COL25A1: variants seen among roughly 807,000 people sequenced by gnomAD.
COL25A1 encodes the protein collagen alpha-1(XXV) chain.
In COL25A1, 103 loss-of-function variants were observed where a neutral mutation model predicts 128.4. That is an observed-to-expected ratio of 0.80 (90% CI 0.68 to 0.94). The LOEUF (loss-of-function observed/expected upper bound fraction) is 0.94, where lower values mean the gene tolerates loss of function less well. Among genes scored for constraint, COL25A1 ranks in the 40% least tolerant of loss-of-function variants. The probability of loss-of-function intolerance (pLI) is 0.00; values close to 1 mark genes in which losing one functional copy is unlikely to be tolerated. For missense variants in COL25A1, 745 were observed against 840.0 expected, an observed-to-expected ratio of 0.89 and a Z score of 1.40; for synonymous variants, 279 against 277.2, an observed-to-expected ratio of 1.01 and a Z score of -0.06.
chr4:109,070,369 T>A (rs1244534427), intron 3 of COL25A1, among the ~76,000 whole-genome samples: 1 of 152,136 alleles, frequency 6.6e-6, no homozygotes, highest in East Asian at 1.9e-4. Flanking sequence ...AATCTTTTTT[T>A]TTTTTACTTA....
intron 3 of COL25A1, among the ~76,000 whole-genome samples, chr4:109,076,899 C>G (rs1763428334): frequency 6.6e-6 from 1 of 152,122 alleles, no homozygotes; most frequent in Non-Finnish European, 1.5e-5. Context: ...GGAGGTGGCG[C>G]TCAGGCAGTA....
chr4:108,827,194 A>G lies in COL25A1; in HGVS notation c.1711-6T>C. 6.2e-7 allele frequency: 1 copy of G among 1,613,684 alleles called. No individual in the cohort carries two copies. Among genetic ancestry groups the G allele is most frequent in the Non-Finnish European group, 8.5e-7 (1 of 1,179,726 alleles). On this transcript the variant is annotated splice_polypyrimidine_tract_variant and splice_region_variant and intron_variant, in intron 32 of 37. Coordinates refer to ENST00000399132, the MANE Select transcript of COL25A1 (RefSeq NM_198721.4). Reference sequence around the variant, plus strand: ...CCCATAGCTCCTTTTTCACCCTAAAATGAAAAGTAGAAAGTTCAAATCATA... The same window carrying G: ...CCCATAGCTCCTTTTTCACCCTAAAGTGAAAAGTAGAAAGTTCAAATCATA...
At chr4:108,866,092 T>A (rs1324982639) in intron 20 of COL25A1, among the ~76,000 whole-genome samples, 2 of 152,220 alleles carry the variant, frequency 1.3e-5, no homozygotes. Flanking sequence ...CTTCCCATGC[T>A]TAAATGCAGA....
chr4:108,846,545 T>C (rs896230137), intron 27 of COL25A1, among the ~76,000 whole-genome samples: 1 of 152,210 alleles, frequency 6.6e-6, no homozygotes, highest in African/African-American at 2.4e-5. Context: ...AACAACTTAA[T>C]AGACTTAATT....
chr4:109,174,257 T>C (rs1429815029), intron 3 of COL25A1, among the ~76,000 whole-genome samples: 2 of 152,212 alleles, frequency 1.3e-5, no homozygotes, highest in African/African-American at 4.8e-5. Context: ...AATAAAGCCC[T>C]ATTGTAAATG....
rs563079412 is a variant in COL25A1 at position 109,272,917 on chromosome 4, G to A, written c.367+27666C>T. Among the ~76,000 whole-genome samples the A allele has an allele frequency of 5.9e-5, 9 of 152,180 alleles. No individual in the cohort carries two copies. The South Asian group carries it at 6.2e-4, about 11-fold the overall frequency. ...GCCTCCATGGCTGGGTATTAAGTACGGTGTCAAGTGAGACAGAAAAGGAAA... is the reference window on the plus strand; with the variant it reads ...GCCTCCATGGCTGGGTATTAAGTACAGTGTCAAGTGAGACAGAAAAGGAAA... On this transcript the variant is annotated intron_variant, in intron 3 of 37. Transcript: ENST00000399132.
chr4:108,841,093 C>T (rs555853768), intron 31 of COL25A1, among the ~76,000 whole-genome samples: 1 of 152,284 alleles, frequency 6.6e-6, no homozygotes, highest in Non-Finnish European at 1.5e-5. Flanking sequence ...CAGGTGGAGA[C>T]CATCTTCATC....
At chr4:109,199,537 T>C (rs1482698980) in intron 3 of COL25A1, among the ~76,000 whole-genome samples, 6 of 151,428 alleles carry the variant, frequency 4.0e-5, no homozygotes, top group Admixed American at 3.3e-4. Flanking sequence ...AGTTATGATA[T>C]AGTATTATTT....
chr4:109,082,334 A>G (rs1263388308), intron 3 of COL25A1, among the ~76,000 whole-genome samples: 2 of 152,236 alleles, frequency 1.3e-5, no homozygotes, highest in Non-Finnish European at 2.9e-5. Flanking sequence ...AAGTGGAATT[A>G]CTGGTCATTT....
chr4:109,126,345 T>C (rs1289517918), intron 3 of COL25A1, among the ~76,000 whole-genome samples: 3 of 152,128 alleles, frequency 2.0e-5, no homozygotes, highest in East Asian at 3.9e-4. Context: ...TTGCAAACAA[T>C]GTGAATAAAA....
Position 109,216,705 on chromosome 4 carries a change from C to G in COL25A1, c.367+83878G>C, listed in dbSNP as rs375789743. Reference sequence around the variant, plus strand: ...TAGAGGCTTCAGAGGGAGCATGGCCCTGCCAACATCTTGATTTCTGAGTCT... The same window carrying G: ...TAGAGGCTTCAGAGGGAGCATGGCCGTGCCAACATCTTGATTTCTGAGTCT... On this transcript the variant is annotated intron_variant, in intron 3 of 37. Transcript: ENST00000399132. Among the ~76,000 whole-genome samples, 656 of 152,242 alleles carry G rather than the reference C, an allele frequency of 4.3e-3. 5 individuals are homozygous for G. Among genetic ancestry groups the G allele is most frequent in the African/African-American group, 0.015 (624 of 41,564 alleles).
At chr4:108,929,558 C>G (rs1304222354) in intron 11 of COL25A1, among the ~76,000 whole-genome samples, 1 of 152,010 alleles carries the variant, frequency 6.6e-6, no homozygotes, top group Non-Finnish European at 1.5e-5. Flanking sequence ...TAAAAAGATG[C>G]AGGCTGGGCG....
intron 8 of COL25A1, among the ~76,000 whole-genome samples, chr4:108,947,227 A>G (rs1374872501): frequency 6.6e-6 from 1 of 152,062 alleles, no homozygotes; most frequent in Non-Finnish European, 1.5e-5. Flanking sequence ...GCAGATCACA[A>G]GGTCAGGAGT....
chr4:108,904,878 G>A (rs574293089), intron 13 of COL25A1, among the ~76,000 whole-genome samples: 1 of 150,722 alleles, frequency 6.6e-6, no homozygotes, highest in Non-Finnish European at 1.5e-5. Context: ...AAGTTGGACT[G>A]ACTTTTAAGA....
chr4:108,829,263 G>C (rs942420531), intron 32 of COL25A1, among the ~76,000 whole-genome samples: 1 of 152,146 alleles, frequency 6.6e-6, no homozygotes, highest in Non-Finnish European at 1.5e-5. Context: ...TGCACTTTAG[G>C]AGTTCAAGGC....
chr4:108,942,069 AG>A (rs1197020073), intron 8 of COL25A1: 1 of 715,212 alleles, frequency 1.4e-6, no homozygotes, highest in African/African-American at 1.8e-5. Context: ...CAATGATGCA[AG>A]TGGGGTCCCA....
chr4:108,915,392 G>T (rs1415204065), intron 13 of COL25A1, among the ~76,000 whole-genome samples: 2 of 151,886 alleles, frequency 1.3e-5, no homozygotes, highest in Non-Finnish European at 2.9e-5. Context: ...ATAGAGACAG[G>T]GTTTCACCAT....
intron 3 of COL25A1, among the ~76,000 whole-genome samples, chr4:109,085,183 C>T (rs1256504583): frequency 6.6e-6 from 1 of 152,140 alleles, no homozygotes; most frequent in Non-Finnish European, 1.5e-5. Flanking sequence ...GGCTCCATCA[C>T]CATTACCGGA....
intron 3 of COL25A1, among the ~76,000 whole-genome samples, chr4:109,254,349 T>C (rs1648970238): frequency 6.7e-6 from 1 of 150,182 alleles, no homozygotes; most frequent in African/African-American, 2.4e-5. Flanking sequence ...ACATTGAGGC[T>C]GAAGGGGGTT....
Sources: gnomAD v4.1 joint callset for allele counts (sites outside exome capture counted in the v4.1 genomes callset) on GRCh38, gnomAD v4.1.1 for gene constraint, MANE v1.5 for transcripts, NCBI Gene and HGNC (gene_info 2026-07-23, HGNC 2026-07-21) for gene names.